Variants in CDH8 observed in about 807,000 individuals in gnomAD.
CDH8 encodes cadherin-8.
In CDH8, 17 loss-of-function variants were observed where a neutral mutation model predicts 68.1. The ratio of observed to expected loss-of-function variants is 0.25; its 90% CI spans 0.17 to 0.37. CDH8 has a LOEUF of 0.37. Among genes scored for constraint, CDH8 ranks in the 10% least tolerant of loss-of-function variants. The pLI is 1.00. For synonymous variants in CDH8, 372 were observed against 365.1 expected (o/e 1.02, Z -0.21); for missense variants, 763 against 999.3 (o/e 0.76, Z 3.19).
At chr16:61,706,373 T>C (rs564841039) in intron 10 of CDH8, among the ~76,000 whole-genome samples, 2 of 152,062 alleles carry the variant, frequency 1.3e-5, no homozygotes, top group Non-Finnish European at 2.9e-5. Context: ...ATCCCAGCAC[T>C]TTGGGAGGCC....
intron 2 of CDH8, among the ~76,000 whole-genome samples, chr16:61,993,155 A>G (rs1474023514): frequency 6.6e-6 from 1 of 152,194 alleles, no homozygotes; most frequent in Non-Finnish European, 1.5e-5. Flanking sequence ...GTATAAAGTG[A>G]CTGCAGAAAG....
intron 2 of CDH8, among the ~76,000 whole-genome samples, chr16:62,017,081 C>A (rs536982055): frequency 1.3e-5 from 2 of 152,142 alleles, no homozygotes; most frequent in Non-Finnish European, 2.9e-5. Context: ...GACTATTATA[C>A]ATTCTTCCAT....
intron 3 of CDH8, among the ~76,000 whole-genome samples, chr16:61,896,194 T>A (rs1219068907): frequency 6.6e-6 from 1 of 152,074 alleles, no homozygotes; most frequent in Non-Finnish European, 1.5e-5. Flanking sequence ...TCAGACAAGC[T>A]CACAAGCTCA....
At chr16:61,675,620 A>T (rs1275589610) in intron 10 of CDH8, among the ~76,000 whole-genome samples, 53 of 86,692 alleles carry the variant, frequency 6.1e-4, no homozygotes, top group African/African-American at 3.6e-3. Flanking sequence ...AAAAAAAATA[A>T]AAAAAATAAA....
intron 10 of CDH8, among the ~76,000 whole-genome samples, chr16:61,706,388 C>T (rs868511493): frequency 3.3e-5 from 5 of 151,874 alleles, no homozygotes; most frequent in East Asian, 1.9e-4. Flanking sequence ...GAGGCCGAGG[C>T]GGGCGGATCA....
intron 3 of CDH8, among the ~76,000 whole-genome samples, chr16:61,870,285 G>A (rs1349438271): frequency 2.0e-5 from 3 of 152,070 alleles, no homozygotes; most frequent in Non-Finnish European, 2.9e-5. Context: ...ATTTATAACC[G>A]AAGCACAATT....
chr16:61,951,710 A>G (rs552183270), intron 2 of CDH8, among the ~76,000 whole-genome samples: 1 of 152,186 alleles, frequency 6.6e-6, no homozygotes, highest in South Asian at 2.1e-4. Flanking sequence ...CTAAACTACC[A>G]TTATCCTTTC....
intron 2 of CDH8, among the ~76,000 whole-genome samples, chr16:62,020,930 A>G (rs1461748933): frequency 1.3e-5 from 2 of 151,832 alleles, no homozygotes; most frequent in Non-Finnish European, 2.9e-5. Context: ...TTTTACTGAT[A>G]GCCGGGTGGA....
intron 8 of CDH8, among the ~76,000 whole-genome samples, chr16:61,782,965 G>A (rs1177071166): frequency 6.6e-6 from 1 of 151,530 alleles, no homozygotes; most frequent in African/African-American, 2.4e-5. Context: ...ACCAAAAGTA[G>A]ATAAAACCAC....
In CDH8 at chr16:61,887,550, C is replaced by T. The variant is rs74383246; in HGVS notation, c.547+13629G>A. 2.3e-4 allele frequency among the ~76,000 whole-genome samples: 35 copies of T among 152,200 alleles called. No individual in the cohort carries two copies. In the East Asian group the frequency reaches 6.8e-3, roughly 29 times the overall value. The stretch of plus-strand genomic sequence containing the variant: ...GTGCTTGTTCATCTGCGCACTTGTG[C>T]CCCTGATGTCTCTTTGTGTGTCCGG... On this transcript the variant is annotated intron_variant, in intron 3 of 11. Transcript: ENST00000577390.
intron 2 of CDH8, among the ~76,000 whole-genome samples, chr16:61,939,012 A>T (rs1567536324): frequency 6.6e-6 from 1 of 152,204 alleles, no homozygotes; most frequent in Non-Finnish European, 1.5e-5. Flanking sequence ...CAGAAAAAGG[A>T]AAGGCTAGGA....
chr16:61,765,524 T>A (rs965608115), intron 8 of CDH8, among the ~76,000 whole-genome samples: 1 of 152,058 alleles, frequency 6.6e-6, no homozygotes, highest in East Asian at 1.9e-4. Context: ...ATCATTTTTG[T>A]TCCAGATGTT....
At chr16:62,017,855 G>A (rs576529679) in intron 2 of CDH8, among the ~76,000 whole-genome samples, 1 of 151,906 alleles carries the variant, frequency 6.6e-6, no homozygotes, top group Admixed American at 6.6e-5. Flanking sequence ...CACACCCCCG[G>A]GCCAGTGACT....
At chr16:62,016,120 G>T (rs1311036279) in intron 2 of CDH8, among the ~76,000 whole-genome samples, 1 of 152,102 alleles carries the variant, frequency 6.6e-6, no homozygotes. Context: ...TCAGCTTCCA[G>T]GTTACTTCCT....
At chr16:61,990,516 A>G (rs1965697081) in intron 2 of CDH8, among the ~76,000 whole-genome samples, 1 of 151,710 alleles carries the variant, frequency 6.6e-6, no homozygotes, top group Non-Finnish European at 1.5e-5. Flanking sequence ...TTCCTATTTT[A>G]CAGGTAAAAT....
intron 2 of CDH8, among the ~76,000 whole-genome samples, chr16:61,971,142 T>C (rs949947353): frequency 6.6e-6 from 1 of 152,172 alleles, no homozygotes; most frequent in African/African-American, 2.4e-5. Context: ...CCAAAACTTA[T>C]AAGAACTGAT....
chr16:61,742,806 C>T (rs1959912460), intron 8 of CDH8, among the ~76,000 whole-genome samples: 1 of 152,120 alleles, frequency 6.6e-6, no homozygotes, highest in Non-Finnish European at 1.5e-5. Flanking sequence ...TAAGATTACA[C>T]TGACTTTGGG....
intron 9 of CDH8, among the ~76,000 whole-genome samples, chr16:61,720,772 A>C (rs1388615248): frequency 6.6e-6 from 1 of 150,864 alleles, no homozygotes; most frequent in Non-Finnish European, 1.5e-5. Context: ...TATTAGAGCA[A>C]TAGATTTGTC....
At chr16:61,781,551 G>T (rs972364732) in intron 8 of CDH8, among the ~76,000 whole-genome samples, 4 of 152,154 alleles carry the variant, frequency 2.6e-5, no homozygotes, top group African/African-American at 9.7e-5. Flanking sequence ...AGCCCAGGGT[G>T]GAGTGAGCTA....
Sources: allele counts gnomAD v4.1 joint callset (sites outside exome capture counted in the v4.1 genomes callset), GRCh38; gene constraint gnomAD v4.1.1; transcripts MANE v1.5; gene names NCBI Gene and HGNC (gene_info 2026-07-23, HGNC 2026-07-21).